The following DSG2 variants were observed in gnomAD, a reference collection of about 807,000 sequenced individuals.
The protein encoded by DSG2 is desmoglein 2.
DSG2 carries 45 observed loss-of-function variants against 75.6 expected under a neutral mutation model. That is an observed-to-expected ratio of 0.60 (90% CI 0.47 to 0.76). DSG2 has a LOEUF of 0.76. Ranked by LOEUF, DSG2 falls within the 30% of genes least tolerant of loss-of-function variation. DSG2 has a pLI of 0.00. For synonymous variants in DSG2, 429 were observed against 483.9 expected (o/e 0.89, Z 1.49); for missense variants, 1,267 against 1,357.4 (o/e 0.93, Z 1.05).
In DSG2 at chr18:31,498,288, C is replaced by T. The variant is rs1276147010; in HGVS notation, c.37C>T (p.Leu13Phe). Residue 13 changes from leucine to phenylalanine, a missense_variant, in exon 1 of 15, where the codon CTT becomes TTT. Transcript: ENST00000261590. The part of the protein sequence containing the change: ...RSPGRAYALL[L>F]LLICFNVGSG... ...CCCGGGACGCGCGTACGCCCTGCTG[C>T]TTCTCCTGGTAAGTGCCGCAAGCGG... 2.4e-6 allele frequency: 3 copies of T among 1,265,890 alleles called. No homozygotes were observed. Among genetic ancestry groups the T allele is most frequent in the Non-Finnish European group, 3.0e-6 (3 of 1,000,834 alleles). 78.4% of individuals were successfully genotyped at this position (1,265,890 alleles called of 1,614,324 possible). A position where few individuals can be genotyped will look rare whatever the true frequency, so the allele number is the denominator to read the frequency against.
chr18:31,531,305 A>C (rs1013827714), intron 9 of DSG2, 53 bp downstream of exon 9: 1 of 1,590,468 alleles, frequency 6.3e-7, no homozygotes, highest in African/African-American at 1.3e-5. Context: ...TTCAGTGCCT[A>C]TTTTCAAAAA....
At chr18:31,542,189 A>C (rs1157998964) in intron 13 of DSG2, 2 of 375,028 alleles carry the variant, frequency 5.3e-6, no homozygotes, top group Non-Finnish European at 1.0e-5. Flanking sequence ...GATCCAGGTC[A>C]AAACAAAGTT....
intron 13 of DSG2, chr18:31,542,156 A>G (rs561573320): frequency 1.8e-5 from 6 of 332,870 alleles, no homozygotes; most frequent in South Asian, 1.7e-4. Flanking sequence ...TTAGAAATAT[A>G]GTCTTTATTT....
At chr18:31,537,536 A>G (rs1200553256) in intron 11 of DSG2, among the ~76,000 whole-genome samples, 9 of 151,492 alleles carry the variant, frequency 5.9e-5, no homozygotes, top group African/African-American at 1.7e-4. Flanking sequence ...GGAGAATGGC[A>G]TGAACCCAGA....
chr18:31,500,998 A>G (rs1201919528), intron 1 of DSG2, among the ~76,000 whole-genome samples: 1 of 152,200 alleles, frequency 6.6e-6, no homozygotes, highest in African/African-American at 2.4e-5. Context: ...ATCACAATAG[A>G]ATTCATAAAT....
chr18:31,515,172 G>A (rs1296404028), intron 1 of DSG2, among the ~76,000 whole-genome samples: 2 of 152,056 alleles, frequency 1.3e-5, no homozygotes, highest in Non-Finnish European at 2.9e-5. Context: ...GCGCGATCTC[G>A]GCCGACTGCA....
At chr18:31,527,583 C>T (rs144510006) in intron 8 of DSG2, among the ~76,000 whole-genome samples, 2,791 of 152,230 alleles carry the variant, frequency 0.018, 60 homozygotes, top group African/African-American at 0.051. Context: ...CGGATTCCAT[C>T]GAAAGGAATT....
intron 1 of DSG2, among the ~76,000 whole-genome samples, chr18:31,514,646 A>G (rs747040352): frequency 6.6e-6 from 1 of 152,228 alleles, no homozygotes; most frequent in Non-Finnish European, 1.5e-5. Flanking sequence ...CATTGCTATC[A>G]TCTGAAACCT....
chr18:31,531,076 CAAGCCT>C lies in DSG2; in HGVS notation c.1106_1111del (p.Lys369_Pro370del). On this transcript the variant is annotated inframe_deletion, in exon 9 of 15. Coordinates refer to ENST00000261590, the MANE Select transcript of DSG2 (RefSeq NM_001943.5). ...TTCACAAGTCGATTAGGAGTAAATA[CAAGCCT>C]ACACCCATTCCCATCAAGGTCAAAG... 6.2e-7 allele frequency: 1 copy of C among 1,614,070 alleles called. No individual in the cohort carries two copies. The highest frequency in any genetic ancestry group is 8.5e-7 in the Non-Finnish European group (1 of 1,179,980).
intron 14 of DSG2, among the ~76,000 whole-genome samples, chr18:31,544,495 A>C (rs1223134513): frequency 6.6e-6 from 1 of 152,150 alleles, no homozygotes; most frequent in Non-Finnish European, 1.5e-5. Flanking sequence ...TCAGTGACCT[A>C]AGCTTCCACC....
At position 31,546,725 on chromosome 18, in the gene DSG2, A is replaced by ACAG. The variant is rs1203247330; in HGVS notation, c.3342_3344dup (p.Gln1114dup). 2 of 1,614,180 alleles carry ACAG rather than the reference A, an allele frequency of 1.2e-6. No individual in the cohort carries two copies. Among genetic ancestry groups the ACAG allele is most frequent in the Admixed American group, 3.3e-5 (2 of 60,030 alleles). On this transcript the variant is annotated inframe_insertion, in exon 15 of 15. Coordinates refer to ENST00000261590, the MANE Select transcript of DSG2 (RefSeq NM_001943.5). ...CCAGAGTTACCAAGCATAGCACTGT[A>ACAG]CAGCATTCTTACTCCTAAACAGCAG...
intron 8 of DSG2, among the ~76,000 whole-genome samples, chr18:31,530,594 T>A (rs2073189936): frequency 6.6e-6 from 1 of 152,054 alleles, no homozygotes; most frequent in Non-Finnish European, 1.5e-5. Context: ...ATTTTTGTAT[T>A]TTTTTGTACA....
chr18:31,509,642 A>G (rs1435782853), intron 1 of DSG2, among the ~76,000 whole-genome samples: 1 of 152,206 alleles, frequency 6.6e-6, no homozygotes, highest in East Asian at 1.9e-4. Flanking sequence ...TAAGATTAAG[A>G]AGAGAAAAGT....
At chr18:31,519,978 A>G in intron 3 of DSG2, 41 bp downstream of exon 3, 1 of 1,613,584 alleles carries the variant, frequency 6.2e-7, no homozygotes, top group Non-Finnish European at 8.5e-7. Context: ...GCATATGACT[A>G]AAATGTGGTG....
chr18:31,545,940 G>T lies in DSG2; in HGVS notation c.2554G>T (p.Glu852Ter). Residue 852 changes from glutamate (E) to a stop codon, truncating the protein, a stop_gained, in exon 15 of 15, where the codon GAG becomes TAG. Transcript: ENST00000261590. LOFTEE classifies it low-confidence loss of function (END_TRUNC). ...AAAAATAGATATAAATAAGGAAATT[G>T]AGCAGAGACAAAAACCTGCCACAGA... ...GQKIDINKEI[E>*]QRQKPATETS... The T allele has an allele frequency of 3.7e-6, 6 of 1,614,112 alleles. No homozygotes were observed. The highest frequency in any genetic ancestry group is 5.1e-6 in the Non-Finnish European group (6 of 1,180,022).
chr18:31,498,850 TG>T (rs1338642279), intron 1 of DSG2, among the ~76,000 whole-genome samples: 1 of 152,232 alleles, frequency 6.6e-6, no homozygotes, highest in Non-Finnish European at 1.5e-5. Flanking sequence ...TAATTTTAAG[TG>T]GATCACCCAC....
intron 1 of DSG2, among the ~76,000 whole-genome samples, chr18:31,514,513 C>G (rs901717840): frequency 2.0e-5 from 3 of 152,128 alleles, no homozygotes; most frequent in Admixed American, 6.5e-5. Flanking sequence ...CTTGTGCTGA[C>G]TACTGAAACA....
At chr18:31,533,398 C>G (rs1483187555) in intron 9 of DSG2, among the ~76,000 whole-genome samples, 4 of 152,142 alleles carry the variant, frequency 2.6e-5, no homozygotes. Flanking sequence ...ATTGCTTAAG[C>G]CTAGGAGTTC....
chr18:31,541,952 G>C (rs953539881), intron 13 of DSG2, among the ~76,000 whole-genome samples: 77 of 152,124 alleles, frequency 5.1e-4, no homozygotes, highest in African/African-American at 1.8e-3. Flanking sequence ...TTCCATGGTT[G>C]AGTTCCATTC....
Sources: allele counts gnomAD v4.1 joint callset (sites outside exome capture counted in the v4.1 genomes callset), GRCh38; gene constraint gnomAD v4.1.1; transcripts MANE v1.5; gene names NCBI Gene and HGNC (gene_info 2026-07-23, HGNC 2026-07-21).